The following TMEM135 variants were observed in gnomAD, a reference collection of about 807,000 sequenced individuals.
The protein encoded by TMEM135 is transmembrane protein 135.
TMEM135 carries 30 observed loss-of-function variants against 60.3 expected under a neutral mutation model. The observed-to-expected ratio is 0.50, with a 90% CI of 0.37 to 0.68. The LOEUF is 0.68. TMEM135 is among the 30% of genes least tolerant of loss of function. The pLI, the probability that TMEM135 is intolerant of heterozygous loss-of-function variation, is 0.00. For missense variants in TMEM135, 468 were observed against 548.8 expected, an observed-to-expected ratio of 0.85 and a Z score of 1.47; for synonymous variants, 190 against 186.7, an observed-to-expected ratio of 1.02 and a Z score of -0.14.
intron 1 of TMEM135, among the ~76,000 whole-genome samples, chr11:87,042,479 T>C (rs187538171): frequency 2.0e-5 from 3 of 152,318 alleles, no homozygotes; most frequent in African/African-American, 7.2e-5. Flanking sequence ...TTGGTTTTTA[T>C]GACCTGCCTT....
At chr11:87,314,757 A>C (rs1942698155) in intron 12 of TMEM135, among the ~76,000 whole-genome samples, 1 of 151,762 alleles carries the variant, frequency 6.6e-6, no homozygotes, top group Non-Finnish European at 1.5e-5. Flanking sequence ...ATTAACCCTC[A>C]TGCACCCATC....
chr11:87,327,320 G>A lies in TMEM135; in HGVS notation c.*5987G>A, dbSNP rs1036999072. ...CTGAATCTGTGGCAGCAATCTTGCA[G>A]ACATGAAATGAAAAGTACAAACATG... On this transcript the variant is annotated 3_prime_UTR_variant, in exon 15 of 15. Coordinates refer to ENST00000305494, the MANE Select transcript of TMEM135 (RefSeq NM_022918.4). 7 of 453,894 alleles carry A rather than the reference G, an allele frequency of 1.5e-5. No individual in the cohort carries two copies. Among genetic ancestry groups the A allele is most frequent in the African/African-American group, 1.2e-4 (6 of 49,970 alleles). The allele number at this position is 453,894 out of a possible 1,614,324, so 28.1% of individuals were successfully genotyped here. A position where few individuals can be genotyped will look rare whatever the true frequency, so the allele number is the denominator to read the frequency against.
At chr11:87,305,220 G>T (rs551996117) in intron 8 of TMEM135, among the ~76,000 whole-genome samples, 57 of 152,062 alleles carry the variant, frequency 3.7e-4, no homozygotes, top group African/African-American at 1.3e-3. Context: ...CTTCATGGAT[G>T]ATTTATTACC....
At chr11:87,066,166 A>G (rs897426151) in intron 1 of TMEM135, among the ~76,000 whole-genome samples, 4 of 152,146 alleles carry the variant, frequency 2.6e-5, no homozygotes, top group African/African-American at 9.7e-5. Context: ...GGAGAGTTTT[A>G]TAGTCTTTCT....
intron 5 of TMEM135, among the ~76,000 whole-genome samples, chr11:87,230,186 C>T (rs1310606002): frequency 6.6e-6 from 1 of 152,054 alleles, no homozygotes. Context: ...CTTGCCTGTT[C>T]TGGAATTTTA....
chr11:87,193,378 ATTTAG>A (rs1939863058), intron 5 of TMEM135, among the ~76,000 whole-genome samples: 2 of 152,198 alleles, frequency 1.3e-5, no homozygotes, highest in South Asian at 4.1e-4. Flanking sequence ...ACAGATTGTT[ATTTAG>A]TTTAGCCTCT....
At chr11:87,058,401 CT>C (rs1005047234) in intron 1 of TMEM135, among the ~76,000 whole-genome samples, 55 of 151,938 alleles carry the variant, frequency 3.6e-4, no homozygotes, top group Admixed American at 9.2e-4. Flanking sequence ...GTGATCTTGG[CT>C]TGCTGCAACC....
chr11:87,186,348 C>A (rs1939653885), intron 5 of TMEM135, among the ~76,000 whole-genome samples: 1 of 152,152 alleles, frequency 6.6e-6, no homozygotes, highest in Admixed American at 6.5e-5. Context: ...TAGCTCCTGG[C>A]CCCAGCTACA....
chr11:87,104,396 C>G (rs1857541785), intron 4 of TMEM135, among the ~76,000 whole-genome samples: 1 of 152,042 alleles, frequency 6.6e-6, no homozygotes, highest in South Asian at 2.1e-4. Flanking sequence ...TCATTTTGCT[C>G]AGGATTCTTT....
chr11:87,128,908 A>G (rs1247679074), intron 4 of TMEM135, among the ~76,000 whole-genome samples: 2 of 42,154 alleles, frequency 4.7e-5, no homozygotes, highest in Non-Finnish European at 1.0e-4. Flanking sequence ...AATACTATAC[A>G]GTATATAAGC....
chr11:87,192,610 G>A (rs987259239), intron 5 of TMEM135, among the ~76,000 whole-genome samples: 3 of 152,110 alleles, frequency 2.0e-5, no homozygotes, highest in African/African-American at 7.2e-5. Flanking sequence ...TGAAATGTGT[G>A]TGCTACTTGA....
intron 4 of TMEM135, among the ~76,000 whole-genome samples, chr11:87,117,140 A>G (rs563131015): frequency 4.6e-5 from 7 of 152,284 alleles, no homozygotes; most frequent in African/African-American, 1.7e-4. Flanking sequence ...TGTTTAAAAC[A>G]AAGTACACAC....
chr11:87,178,251 A>C (rs1297345668), intron 5 of TMEM135, among the ~76,000 whole-genome samples: 1 of 152,106 alleles, frequency 6.6e-6, no homozygotes, highest in African/African-American at 2.4e-5. Context: ...CCTCATCAGC[A>C]TAGCAAAGAC....
At chr11:87,176,401 C>A (rs751621736) in intron 5 of TMEM135, among the ~76,000 whole-genome samples, 1 of 152,040 alleles carries the variant, frequency 6.6e-6, no homozygotes, top group Non-Finnish European at 1.5e-5. Context: ...GGCTGCAGAA[C>A]CATGAGCCAA....
intron 6 of TMEM135, among the ~76,000 whole-genome samples, chr11:87,272,628 C>T (rs1306241845): frequency 7.8e-6 from 1 of 128,154 alleles, no homozygotes; most frequent in Non-Finnish European, 1.8e-5. Context: ...GCCTGGCTAA[C>T]TTAAAAAATT....
At chr11:87,075,976 C>T (rs926216306) in intron 3 of TMEM135, among the ~76,000 whole-genome samples, 2 of 152,140 alleles carry the variant, frequency 1.3e-5, no homozygotes, top group South Asian at 2.1e-4. Context: ...CCTGGGACTG[C>T]GCTGGGTCAG....
At chr11:87,140,346 T>C (rs1410936279) in intron 4 of TMEM135, among the ~76,000 whole-genome samples, 1 of 152,188 alleles carries the variant, frequency 6.6e-6, no homozygotes, top group Non-Finnish European at 1.5e-5. Context: ...GGATTACAGG[T>C]GTGAGCCACC....
chr11:87,238,136 A>G (rs1015014875), intron 6 of TMEM135, among the ~76,000 whole-genome samples: 9 of 151,898 alleles, frequency 5.9e-5, no homozygotes, highest in African/African-American at 1.9e-4. Flanking sequence ...GGGAGTACAG[A>G]TATCTCTTCG....
intron 5 of TMEM135, among the ~76,000 whole-genome samples, chr11:87,181,767 TA>T (rs986127838): frequency 2.0e-5 from 3 of 152,146 alleles, no homozygotes; most frequent in South Asian, 2.1e-4. Context: ...ATTCTTAAGA[TA>T]AAAAAAGTAT....
Sources: gnomAD v4.1 joint callset for allele counts (sites outside exome capture counted in the v4.1 genomes callset) on GRCh38, gnomAD v4.1.1 for gene constraint, MANE v1.5 for transcripts, NCBI Gene and HGNC (gene_info 2026-07-23, HGNC 2026-07-21) for gene names.